Variants in THSD7A observed in about 807,000 individuals in gnomAD.
THSD7A encodes thrombospondin type 1 domain containing 7A.
A neutral mutation model predicts 231.3 loss-of-function variants in THSD7A; 96 were observed. The ratio of observed to expected loss-of-function variants is 0.41; its 90% confidence interval spans 0.35 to 0.49. The LOEUF (loss-of-function observed/expected upper bound fraction) is 0.49. THSD7A is among the 20% of genes least tolerant of loss of function. The pLI, the probability that THSD7A is intolerant of heterozygous loss-of-function variation, is 0.05. For missense variants in THSD7A, 2,290 were observed against 2,070.2 expected (o/e 1.11, Z -2.06); for synonymous variants, 940 against 743.3 (o/e 1.26, Z -4.30).
At chr7:11,689,953 T>G (rs1780184183) in intron 1 of THSD7A, among the ~76,000 whole-genome samples, 1 of 151,766 alleles carries the variant, frequency 6.6e-6, no homozygotes, top group Non-Finnish European at 1.5e-5. Flanking sequence ...ATTTTCATTT[T>G]ATTTCAAGGA....
Position 11,424,682 on chromosome 7 carries a change from A to C in THSD7A, c.3383+14T>G, listed in dbSNP as rs1417849998. 1 of 1,613,768 alleles carries C rather than the reference A, an allele frequency of 6.2e-7. No homozygotes were observed. Among genetic ancestry groups the C allele is most frequent in the Non-Finnish European group, 8.5e-7 (1 of 1,179,782 alleles). Reference sequence around the variant, plus strand: ...TTGTGTCTTGCTTTTCTGTATAATTAGGCTTTGTCTTACCTCACTTTTCGG... The same window carrying C: ...TTGTGTCTTGCTTTTCTGTATAATTCGGCTTTGTCTTACCTCACTTTTCGG... On this transcript the variant is annotated intron_variant, in intron 16 of 27. Transcript: ENST00000423059.
At chr7:11,563,088 T>G (rs1008730698) in intron 4 of THSD7A, among the ~76,000 whole-genome samples, 2 of 152,240 alleles carry the variant, frequency 1.3e-5, no homozygotes, top group Non-Finnish European at 2.9e-5. Flanking sequence ...CAGTGATTGC[T>G]CAAAGCTTTT....
At chr7:11,461,920 A>G (rs1785519231) in intron 10 of THSD7A, 91 bp downstream of exon 10, 1 of 1,465,712 alleles carries the variant, frequency 6.8e-7, no homozygotes, top group Admixed American at 1.9e-5. Context: ...TGGAAGGAAC[A>G]GTGTTGACTT....
intron 1 of THSD7A, among the ~76,000 whole-genome samples, chr7:11,680,744 G>A (rs576971617): frequency 2.0e-5 from 3 of 152,130 alleles, no homozygotes; most frequent in African/African-American, 7.2e-5. Flanking sequence ...TGCTTTTACA[G>A]TGTCAGTGGG....
chr7:11,636,056 T>C lies in THSD7A; in HGVS notation c.1022+74A>G. 1 of 1,333,712 alleles carries C rather than the reference T, an allele frequency of 7.5e-7. No individual in the cohort carries two copies. The highest frequency in any genetic ancestry group is 1.0e-6 in the Non-Finnish European group (1 of 963,774). The allele number at this position is 1,333,712 out of a possible 1,614,324, so 82.6% of individuals were successfully genotyped here. ...CCTACGTAATCCAGAAGTTATTAGA[T>C]AGTACCGGATATCTTAGGTACTCAT... is the stretch of plus-strand genomic sequence containing the variant. On this transcript the variant is annotated intron_variant, in intron 2 of 27. Transcript: ENST00000423059. This position sits in a 1 kb window ranked among gnomAD's most constrained non-coding sequence, Gnocchi z 10.0.
chr7:11,627,892 T>C (rs1455504454), intron 2 of THSD7A, among the ~76,000 whole-genome samples: 1 of 152,042 alleles, frequency 6.6e-6, no homozygotes, highest in Non-Finnish European at 1.5e-5. Flanking sequence ...TGGAAAAAGA[T>C]AGTTTATTTT....
chr7:11,730,590 A>C (rs1313094392), intron 1 of THSD7A, among the ~76,000 whole-genome samples: 1 of 151,594 alleles, frequency 6.6e-6, no homozygotes, highest in Non-Finnish European at 1.5e-5. Flanking sequence ...ATGAATACGA[A>C]CTGTTTTCTT....
chr7:11,697,823 A>G (rs1780448651), intron 1 of THSD7A, among the ~76,000 whole-genome samples: 2 of 151,412 alleles, frequency 1.3e-5, no homozygotes, highest in South Asian at 4.1e-4. Flanking sequence ...CGCAGTTTCC[A>G]TCCTTAGGCA....
chr7:11,625,165 A>C (rs2128355115), intron 2 of THSD7A, among the ~76,000 whole-genome samples: 2 of 152,212 alleles, frequency 1.3e-5, no homozygotes, highest in South Asian at 4.1e-4. Context: ...GTATATTCAT[A>C]TTTATGTAGG....
At chr7:11,394,888 A>G (rs575724148) in intron 23 of THSD7A, among the ~76,000 whole-genome samples, 1 of 152,334 alleles carries the variant, frequency 6.6e-6, no homozygotes, top group African/African-American at 2.4e-5. Context: ...GACTATCGAC[A>G]CTATGAAGAA....
chr7:11,441,590 C>A (rs1784804779), intron 13 of THSD7A, among the ~76,000 whole-genome samples: 1 of 152,032 alleles, frequency 6.6e-6, no homozygotes, highest in Non-Finnish European at 1.5e-5. Context: ...GTTGTTGCTA[C>A]CCTCTCTTAT....
intron 1 of THSD7A, among the ~76,000 whole-genome samples, chr7:11,640,228 C>T (rs1273306325): frequency 6.6e-6 from 1 of 152,116 alleles, no homozygotes; most frequent in Admixed American, 6.6e-5. Flanking sequence ...CAGTTTTAGA[C>T]AGTACACATA....
intron 6 of THSD7A, among the ~76,000 whole-genome samples, chr7:11,503,709 A>T (rs577210028): frequency 6.6e-6 from 1 of 152,314 alleles, no homozygotes; most frequent in South Asian, 2.1e-4. Context: ...TATGCAAAAA[A>T]GCTCAATATC....
At chr7:11,457,245 A>T (rs1382971079) in intron 11 of THSD7A, among the ~76,000 whole-genome samples, 1 of 152,148 alleles carries the variant, frequency 6.6e-6, no homozygotes, top group African/African-American at 2.4e-5. Flanking sequence ...GAATATTTCC[A>T]CTTGGCTAAC....
At chr7:11,827,138 G>A (rs1218489058) in intron 1 of THSD7A, among the ~76,000 whole-genome samples, 1 of 151,984 alleles carries the variant, frequency 6.6e-6, no homozygotes, top group Non-Finnish European at 1.5e-5. Context: ...AAAAAGCTGT[G>A]GGATTACAGG....
At chr7:11,461,339 G>A (rs1254331714) in intron 10 of THSD7A, among the ~76,000 whole-genome samples, 2 of 152,220 alleles carry the variant, frequency 1.3e-5, no homozygotes, top group South Asian at 2.1e-4. Flanking sequence ...ATTTGACAAT[G>A]TCATCTTAAA....
rs1288442049 is a variant in THSD7A, at chr7:11,460,646, G to T, written c.2605+16C>A. 6.3e-7 allele frequency: 1 copy of T among 1,591,584 alleles called. No homozygotes were observed. Among genetic ancestry groups the T allele is most frequent in the African/African-American group, 1.3e-5 (1 of 74,496 alleles). ...AGCGATGCTGGAGAAATGAACTGTG[G>T]AATGGGGCCTCCCACCTCTTGCCTG... On this transcript the variant is annotated intron_variant, in intron 11 of 27. Coordinates refer to ENST00000423059, the MANE Select transcript of THSD7A (RefSeq NM_015204.3).
chr7:11,390,359 C>T (rs1300305276), intron 23 of THSD7A, among the ~76,000 whole-genome samples: 1 of 152,204 alleles, frequency 6.6e-6, no homozygotes, highest in Non-Finnish European at 1.5e-5. Flanking sequence ...AGTTGATCTT[C>T]AATCTCTGAT....
chr7:11,542,897 A>T, intron 5 of THSD7A, 65 bp downstream of exon 5: 1 of 1,515,208 alleles, frequency 6.6e-7, no homozygotes, highest in South Asian at 1.3e-5. Context: ...AGAGCATTTT[A>T]AAAATAATTC....
Sources: allele counts gnomAD v4.1 joint callset (sites outside exome capture counted in the v4.1 genomes callset), GRCh38; gene constraint gnomAD v4.1.1; non-coding constraint Gnocchi (gnomAD v3.1); transcripts MANE v1.5; gene names NCBI Gene and HGNC (gene_info 2026-07-23, HGNC 2026-07-21).